Variants in RHBDL3 observed in about 807,000 individuals in gnomAD.
The protein encoded by RHBDL3 is rhomboid-related protein 3.
RHBDL3 carries 28 observed loss-of-function variants against 48.2 expected under a neutral mutation model. The observed-to-expected ratio is 0.58, with a 90% confidence interval of 0.43 to 0.80. The LOEUF (loss-of-function observed/expected upper bound fraction) is 0.80, where lower values mean the gene tolerates loss of function less well. Ranked by LOEUF, RHBDL3 falls within the 30% of genes least tolerant of loss-of-function variation. The pLI is 0.00. For synonymous variants in RHBDL3, 208 were observed against 232.3 expected (o/e 0.90, Z 0.95); for missense variants, 464 against 542.7 (o/e 0.85, Z 1.44).
chr17:32,316,837 ATATTTTATTTTATTTT>A (rs1567791291), intron 8 of RHBDL3, among the ~76,000 whole-genome samples: 6 of 149,034 alleles, frequency 4.0e-5, no homozygotes, highest in East Asian at 2.0e-4. Flanking sequence ...ATTTTATTTT[ATATTTTATTTTATTTT>A]TATTTTATTT....
In RHBDL3 at chr17:32,318,679, C is replaced by T. The variant is rs149643259; in HGVS notation, c.944-2279C>T. Among the ~76,000 whole-genome samples, 46 of 152,140 alleles carry T rather than the reference C, an allele frequency of 3.0e-4. 1 individual carries two copies. Among genetic ancestry groups the T allele is most frequent in the African/African-American group, 1.1e-3 (44 of 41,474 alleles). ...CCAGCCTGTGCCATTTCAAATGTCC[C>T]ACATGTTAGCCAAGCTAGACAGTAA... On this transcript the variant is annotated intron_variant, in intron 8 of 8. Transcript: ENST00000269051.
At chr17:32,284,932 G>A in intron 3 of RHBDL3, 115 bp downstream of exon 3, 1 of 955,512 alleles carries the variant, frequency 1.0e-6, no homozygotes, top group Non-Finnish European at 1.6e-6. Flanking sequence ...CATTGAAAAA[G>A]TCCAGGCTTC....
chr17:32,268,844 A>C (rs12940686), intron 2 of RHBDL3, among the ~76,000 whole-genome samples: 8,002 of 152,204 alleles, frequency 0.053, 680 homozygotes, highest in African/African-American at 0.18. Context: ...GGCTTGGGAA[A>C]GCTCCAGTGT....
chr17:32,285,960 G>A (rs1310043066), intron 3 of RHBDL3, among the ~76,000 whole-genome samples: 1 of 152,192 alleles, frequency 6.6e-6, no homozygotes, highest in African/African-American at 2.4e-5. Flanking sequence ...ATTGCAAGGA[G>A]CTGCTGTGGG....
chr17:32,283,034 T>C (rs1315009883), intron 2 of RHBDL3, among the ~76,000 whole-genome samples: 1 of 152,160 alleles, frequency 6.6e-6, no homozygotes, highest in Non-Finnish European at 1.5e-5. Flanking sequence ...TCATTGACCA[T>C]CTAGAAAAGG....
intron 2 of RHBDL3, chr17:32,280,929 C>T (rs1201863616): frequency 6.5e-6 from 1 of 152,786 alleles, no homozygotes; most frequent in African/African-American, 2.4e-5. Flanking sequence ...TTTCATCTTC[C>T]TGGGGGTGGG....
Position 32,277,932 on chromosome 17 carries a change from T to G in RHBDL3, c.136-6727T>G, listed in dbSNP as rs1597619670. Among the ~76,000 whole-genome samples the G allele has an allele frequency of 2.0e-5, 3 of 152,312 alleles. 1 individual carries two copies. The highest frequency in any genetic ancestry group is 2.0e-4 in the Admixed American group (3 of 15,296). On this transcript the variant is annotated intron_variant, in intron 2 of 8. Transcript: ENST00000269051. ...ATGACCCTCCAAGAGGTTTTTCCAC[T>G]TGTAGGACCACAGAACCCTTATTTC...
intron 7 of RHBDL3, among the ~76,000 whole-genome samples, chr17:32,308,019 C>T (rs2040751766): frequency 6.6e-6 from 1 of 152,202 alleles, no homozygotes; most frequent in African/African-American, 2.4e-5. Flanking sequence ...TCTTCCCCAC[C>T]TCATGGGAAA....
At chr17:32,296,623 C>G (rs1261644495) in intron 5 of RHBDL3, among the ~76,000 whole-genome samples, 1 of 151,802 alleles carries the variant, frequency 6.6e-6, no homozygotes. Flanking sequence ...CTTGAGCCAC[C>G]GCACCTGGCC....
chr17:32,279,618 G>A (rs1021684624), intron 2 of RHBDL3, among the ~76,000 whole-genome samples: 1 of 152,232 alleles, frequency 6.6e-6, no homozygotes, highest in Non-Finnish European at 1.5e-5. Flanking sequence ...ACTGTGCAAA[G>A]ATTCCAAATA....
intron 4 of RHBDL3, among the ~76,000 whole-genome samples, chr17:32,293,614 G>A (rs80135683): frequency 0.098 from 14,916 of 151,710 alleles, 987 homozygotes; most frequent in Admixed American, 0.14. Context: ...GATTAAGATG[G>A]TAAATTTTAT....
chr17:32,281,287 G>A (rs1163108038), intron 2 of RHBDL3, among the ~76,000 whole-genome samples: 1 of 152,194 alleles, frequency 6.6e-6, no homozygotes, highest in Middle Eastern at 3.4e-3. Flanking sequence ...GATTGAGGGG[G>A]AGAGCAGGTG....
intron 2 of RHBDL3, among the ~76,000 whole-genome samples, chr17:32,282,592 G>A (rs1360362348): frequency 6.6e-6 from 1 of 152,104 alleles, no homozygotes; most frequent in Non-Finnish European, 1.5e-5. Flanking sequence ...GACCTCATTG[G>A]AGATGTCCTT....
chr17:32,269,486 G>A (rs1019476708), intron 2 of RHBDL3, among the ~76,000 whole-genome samples: 13 of 152,238 alleles, frequency 8.5e-5, no homozygotes, highest in African/African-American at 2.9e-4. Flanking sequence ...ATTGCAGCGC[G>A]AAAGGCCTGG....
At chr17:32,316,536 AG>A (rs2040978939) in intron 8 of RHBDL3, among the ~76,000 whole-genome samples, 2 of 151,922 alleles carry the variant, frequency 1.3e-5, no homozygotes, top group Admixed American at 6.6e-5. Context: ...TTTTTGAGAC[AG>A]GGTGTCTCCC....
chr17:32,287,866 G>A (rs1202636177), intron 3 of RHBDL3, among the ~76,000 whole-genome samples: 2 of 152,226 alleles, frequency 1.3e-5, no homozygotes, highest in African/African-American at 4.8e-5. Context: ...GCAGGTGGGA[G>A]GTAACGGAGG....
At chr17:32,282,807 A>G (rs1268589999) in intron 2 of RHBDL3, among the ~76,000 whole-genome samples, 4 of 152,098 alleles carry the variant, frequency 2.6e-5, no homozygotes, top group African/African-American at 2.4e-5. Flanking sequence ...TATTTTTATT[A>G]CAGACGGGGT....
At chr17:32,296,624 G>A (rs1053965771) in intron 5 of RHBDL3, among the ~76,000 whole-genome samples, 3 of 151,598 alleles carry the variant, frequency 2.0e-5, no homozygotes, top group East Asian at 3.9e-4. Context: ...TTGAGCCACC[G>A]CACCTGGCCT....
intron 7 of RHBDL3, among the ~76,000 whole-genome samples, chr17:32,309,179 AGTGTGTGTGT>A (rs61558385): frequency 0.36 from 54,404 of 149,678 alleles, 11,311 homozygotes; most frequent in Non-Finnish European, 0.47. Context: ...GAAGGTTTGG[AGTGTGTGTGT>A]GTGTGTGTGT....
Sources: gnomAD v4.1 joint callset for allele counts (sites outside exome capture counted in the v4.1 genomes callset) on GRCh38, gnomAD v4.1.1 for gene constraint, MANE v1.5 for transcripts, NCBI Gene and HGNC (gene_info 2026-07-23, HGNC 2026-07-21) for gene names.